PCDH9: variants seen among roughly 807,000 people sequenced by gnomAD.
PCDH9 encodes the protein protocadherin-9.
In PCDH9, 24 loss-of-function variants were observed where a neutral mutation model predicts 70.6. That is an observed-to-expected ratio of 0.34 (90% confidence interval 0.25 to 0.48). PCDH9 has a LOEUF of 0.48. Among genes scored for constraint, PCDH9 ranks in the 20% least tolerant of loss-of-function variants. The pLI, the probability that PCDH9 is intolerant of heterozygous loss-of-function variation, is 0.99. For synonymous variants in PCDH9, 562 were observed against 558.5 expected, an observed-to-expected ratio of 1.01 and a Z score of -0.09; for missense variants, 1,281 against 1,503.6, an observed-to-expected ratio of 0.85 and a Z score of 2.45.
At chr13:66,876,673 A>T (rs561082613) in intron 3 of PCDH9, among the ~76,000 whole-genome samples, 1 of 152,160 alleles carries the variant, frequency 6.6e-6, no homozygotes, top group Admixed American at 6.5e-5. Flanking sequence ...CATGAAAATT[A>T]TATTATTATG....
At chr13:66,517,760 A>T (rs984377655) in intron 4 of PCDH9, among the ~76,000 whole-genome samples, 1 of 152,170 alleles carries the variant, frequency 6.6e-6, no homozygotes, top group Non-Finnish European at 1.5e-5. Flanking sequence ...CATGTACTCC[A>T]TACTTTTAAT....
chr13:67,181,013 A>T (rs989802752), intron 2 of PCDH9, among the ~76,000 whole-genome samples: 1 of 152,208 alleles, frequency 6.6e-6, no homozygotes, highest in African/African-American at 2.4e-5. Flanking sequence ...TATAACTGTG[A>T]TTTTAATTAC....
Position 66,680,506 on chromosome 13 carries a change from ACT to A in PCDH9, c.3139-49097_3139-49096del, listed in dbSNP as rs1324248990. Among the ~76,000 whole-genome samples the A allele has an allele frequency of 5.3e-5, 8 of 152,024 alleles. No individual in the cohort carries two copies. In the East Asian group the frequency reaches 7.7e-4, roughly 15 times the overall value. On this transcript the variant is annotated intron_variant, in intron 3 of 4. Transcript: ENST00000377865. ...TTTAAAGACAACATTGTATCCATTG[ACT>A]CTGTAATTTTCTTTTTTTCTAGGAG...
intron 2 of PCDH9, among the ~76,000 whole-genome samples, chr13:66,956,763 C>G (rs1394505012): frequency 6.6e-6 from 1 of 152,012 alleles, no homozygotes; most frequent in East Asian, 1.9e-4. Flanking sequence ...AACAAACAAA[C>G]AAAGTAGAAA....
chr13:67,053,411 A>G (rs1246188866), intron 2 of PCDH9, among the ~76,000 whole-genome samples: 3 of 152,210 alleles, frequency 2.0e-5, no homozygotes, highest in Non-Finnish European at 4.4e-5. Flanking sequence ...TAAAGAAAAT[A>G]AAGTATGGCA....
intron 2 of PCDH9, chr13:67,215,147 C>A (rs2089572427): frequency 6.6e-6 from 1 of 151,044 alleles, no homozygotes; most frequent in Admixed American, 6.6e-5. Context: ...CTCTAGTCTC[C>A]ATTTCTTCAG....
chr13:66,745,789 AT>A (rs1325887221), intron 3 of PCDH9, among the ~76,000 whole-genome samples: 3 of 152,214 alleles, frequency 2.0e-5, no homozygotes, highest in Admixed American at 2.0e-4. Flanking sequence ...TGTTGTGCAC[AT>A]AAAATAAAAT....
At chr13:67,124,897 T>C (rs920825613) in intron 2 of PCDH9, among the ~76,000 whole-genome samples, 1 of 152,270 alleles carries the variant, frequency 6.6e-6, no homozygotes, top group Non-Finnish European at 1.5e-5. Flanking sequence ...CTGTCTAGAG[T>C]AGATTCTCAA....
rs113792595 is a variant in PCDH9 at position 66,675,125 on chromosome 13, G to A, written c.3139-43714C>T. On this transcript the variant is annotated intron_variant, in intron 3 of 4. Transcript: ENST00000377865. ...TTTTGATGCCTCAGATTCCTTATCTGTAAAATACAGTGAAGATTTTAAGAT... is the reference window on the plus strand; with the variant it reads ...TTTTGATGCCTCAGATTCCTTATCTATAAAATACAGTGAAGATTTTAAGAT... Among the ~76,000 whole-genome samples, 273 of 152,148 alleles carry A rather than the reference G, an allele frequency of 1.8e-3. 2 individuals carry two copies. Among genetic ancestry groups the A allele is most frequent in the African/African-American group, 6.0e-3 (251 of 41,538 alleles).
intron 3 of PCDH9, among the ~76,000 whole-genome samples, chr13:66,841,555 C>G (rs1478202216): frequency 6.6e-6 from 1 of 151,954 alleles, no homozygotes; most frequent in Non-Finnish European, 1.5e-5. Flanking sequence ...TATTTCATAA[C>G]AATAAAGAAA....
intron 4 of PCDH9, among the ~76,000 whole-genome samples, chr13:66,505,956 A>G (rs934484852): frequency 1.3e-5 from 2 of 152,192 alleles, no homozygotes; most frequent in Non-Finnish European, 2.9e-5. Context: ...CTCAAAGTCT[A>G]TTCTACTTTT....
chr13:66,643,583 T>C (rs891595697), intron 3 of PCDH9, among the ~76,000 whole-genome samples: 2 of 152,068 alleles, frequency 1.3e-5, no homozygotes, highest in African/African-American at 4.8e-5. Flanking sequence ...GATAATTTGT[T>C]TCTTCTGGAT....
At chr13:66,785,966 A>T (rs1399966975) in intron 3 of PCDH9, among the ~76,000 whole-genome samples, 1 of 152,196 alleles carries the variant, frequency 6.6e-6, no homozygotes, top group Non-Finnish European at 1.5e-5. Context: ...TAAAACAACT[A>T]GGTAACAATT....
intron 2 of PCDH9, chr13:67,209,557 C>T (rs911680107): frequency 5.3e-5 from 8 of 151,974 alleles, no homozygotes; most frequent in African/African-American, 1.9e-4. Flanking sequence ...TTTGGTCTTC[C>T]TAAACTTGTT....
intron 2 of PCDH9, among the ~76,000 whole-genome samples, chr13:67,178,306 CA>C (rs1400779013): frequency 6.6e-6 from 1 of 151,976 alleles, no homozygotes; most frequent in Non-Finnish European, 1.5e-5. Flanking sequence ...CAATGTTTGG[CA>C]AATCATTTAC....
At chr13:66,626,764 C>T (rs1389764213) in intron 4 of PCDH9, among the ~76,000 whole-genome samples, 2 of 152,054 alleles carry the variant, frequency 1.3e-5, no homozygotes, top group Non-Finnish European at 2.9e-5. Flanking sequence ...TTACACAAAA[C>T]CTATCAATTA....
intron 2 of PCDH9, among the ~76,000 whole-genome samples, chr13:67,179,427 A>G (rs2088558059): frequency 6.6e-6 from 1 of 152,246 alleles, no homozygotes; most frequent in Non-Finnish European, 1.5e-5. Flanking sequence ...ATAGCAATGT[A>G]TTCACAGACC....
At chr13:66,342,048 A>T (rs1956136058) in intron 4 of PCDH9, among the ~76,000 whole-genome samples, 1 of 152,190 alleles carries the variant, frequency 6.6e-6, no homozygotes, top group Non-Finnish European at 1.5e-5. Flanking sequence ...TCATGTTTTC[A>T]TAAGTTCAAA....
chr13:66,957,204 G>A lies in PCDH9; in HGVS notation c.3037-53599C>T, dbSNP rs184077817. Reference sequence around the variant, plus strand: ...CTATTGACTAATATTGAGACTTCCCGAAACTAAAATCCCAACATCTTTCTG... The same window carrying A: ...CTATTGACTAATATTGAGACTTCCCAAAACTAAAATCCCAACATCTTTCTG... On this transcript the variant is annotated intron_variant, in intron 2 of 4. Coordinates refer to ENST00000377865, the MANE Select transcript of PCDH9 (RefSeq NM_203487.3). 1.3e-3 allele frequency among the ~76,000 whole-genome samples: 201 copies of A among 152,260 alleles called. 5 individuals carry two copies. In the East Asian group the frequency reaches 0.026, roughly 19 times the overall value.
Sources: gnomAD v4.1 joint callset for allele counts (sites outside exome capture counted in the v4.1 genomes callset) on GRCh38, gnomAD v4.1.1 for gene constraint, MANE v1.5 for transcripts, NCBI Gene and HGNC (gene_info 2026-07-23, HGNC 2026-07-21) for gene names.